ITK: variants seen among roughly 807,000 people sequenced by gnomAD.
ITK encodes tyrosine-protein kinase ITK/TSK.
In ITK, 45 loss-of-function variants were observed where a neutral mutation model predicts 87.6. The observed-to-expected ratio is 0.51, with a 90% confidence interval of 0.40 to 0.66. The LOEUF is 0.66. Among genes scored for constraint, ITK ranks in the 30% least tolerant of loss-of-function variants. The pLI is 0.00. For synonymous variants in ITK, 303 were observed against 273.6 expected (o/e 1.11, Z -1.06); for missense variants, 605 against 766.3 (o/e 0.79, Z 2.48).
chr5:157,249,883 G>A (rs1361510820), intron 16 of ITK, among the ~76,000 whole-genome samples: 1 of 152,082 alleles, frequency 6.6e-6, no homozygotes, highest in African/African-American at 2.4e-5. Context: ...AATAATGATG[G>A]CTGACATTCA....
At chr5:157,215,353 G>A (rs1754278117) in intron 4 of ITK, among the ~76,000 whole-genome samples, 1 of 152,046 alleles carries the variant, frequency 6.6e-6, no homozygotes, top group Non-Finnish European at 1.5e-5. Flanking sequence ...CACATGGCTA[G>A]GTTTTCTGTG....
At chr5:157,245,676 A>G (rs1221364156) in intron 13 of ITK, 50 bp from the exon 14 acceptor site, 3 of 1,435,858 alleles carry the variant, frequency 2.1e-6, no homozygotes, top group Non-Finnish European at 2.9e-6. Flanking sequence ...ACTACTGATG[A>G]CTCATCAACA....
intron 7 of ITK, among the ~76,000 whole-genome samples, chr5:157,230,764 G>C (rs1440539394): frequency 6.6e-6 from 1 of 152,126 alleles, no homozygotes; most frequent in East Asian, 1.9e-4. Flanking sequence ...GATCAAAGGA[G>C]CAAACTCAAA....
intron 8 of ITK, among the ~76,000 whole-genome samples, chr5:157,234,939 T>TA (rs920209433): frequency 6.6e-6 from 1 of 151,972 alleles, no homozygotes; most frequent in African/African-American, 2.4e-5. Context: ...ATAATAATAA[T>TA]AAAAAAAGAG....
At chr5:157,188,381 G>A (rs1023165141) in intron 1 of ITK, among the ~76,000 whole-genome samples, 2 of 152,110 alleles carry the variant, frequency 1.3e-5, no homozygotes, top group Admixed American at 1.3e-4. Context: ...TGTGGTCCCA[G>A]CCTGCCTTCT....
chr5:157,229,573 T>C (rs1269670940), intron 7 of ITK, among the ~76,000 whole-genome samples: 1 of 152,146 alleles, frequency 6.6e-6, no homozygotes, highest in East Asian at 1.9e-4. Context: ...AAAAAAATGT[T>C]AATATCAGGA....
At chr5:157,248,711 C>T (rs1303173640) in intron 15 of ITK, 139 bp from the exon 16 acceptor site, 10 of 944,238 alleles carry the variant, frequency 1.1e-5, no homozygotes, top group Non-Finnish European at 1.7e-5. Context: ...GCCTAATAAG[C>T]CTCAGGTAGA....
At chr5:157,223,202 C>A (rs905604697) in intron 6 of ITK, among the ~76,000 whole-genome samples, 188 bp downstream of exon 6, 1 of 152,118 alleles carries the variant, frequency 6.6e-6, no homozygotes, top group African/African-American at 2.4e-5. Context: ...TCAGAAGTGG[C>A]TCTGAGGCAG....
At chr5:157,241,773 A>T in intron 11 of ITK, 53 bp downstream of exon 11, 2 of 1,363,588 alleles carry the variant, frequency 1.5e-6, no homozygotes, top group South Asian at 1.2e-5. Flanking sequence ...TCTGGGGCAA[A>T]TTCTGAATAA....
intron 3 of ITK, chr5:157,211,651 A>G (rs890242433): frequency 4.5e-5 from 20 of 445,986 alleles, no homozygotes; most frequent in Middle Eastern, 6.5e-4. Context: ...AAGATGCTTG[A>G]TTTTGTCTCA....
rs1172751625 is a variant in ITK at position 157,253,643 on chromosome 5, C to G, written c.*965C>G. The G allele has an allele frequency of 4.4e-6, 1 of 227,086 alleles. No individual in the cohort carries two copies. Among genetic ancestry groups the G allele is most frequent in the Non-Finnish European group, 8.8e-6 (1 of 114,214 alleles). The allele number at this position is 227,086 out of a possible 1,614,324, so 14.1% of individuals were successfully genotyped here. On this transcript the variant is annotated 3_prime_UTR_variant, in exon 17 of 17. Coordinates refer to ENST00000422843, the MANE Select transcript of ITK (RefSeq NM_005546.4). Reference sequence around the variant, plus strand: ...CCCCCCCTCTCTGCACTATCCGATCCTCATCAACAGAGGGCAGCATTGTGT... The same window carrying G: ...CCCCCCCTCTCTGCACTATCCGATCGTCATCAACAGAGGGCAGCATTGTGT...
chr5:157,253,070 G>A lies in ITK; in HGVS notation c.*392G>A, dbSNP rs1370051199. On this transcript the variant is annotated 3_prime_UTR_variant, in exon 17 of 17. Coordinates refer to ENST00000422843, the MANE Select transcript of ITK (RefSeq NM_005546.4). The stretch of plus-strand genomic sequence containing the variant: ...TTTTTAACATGAATCTAAAGTTTAT[G>A]GTTCCAGGGACTTTTTATTTGACCC... The A allele has an allele frequency of 8.3e-6, 3 of 362,662 alleles. No homozygotes were observed. The allele number at this position is 362,662 out of a possible 1,614,324, so 22.5% of individuals were successfully genotyped here. A position where few individuals can be genotyped will look rare whatever the true frequency, so the allele number is the denominator to read the frequency against.
At chr5:157,236,804 G>A (rs1346379483) in intron 8 of ITK, among the ~76,000 whole-genome samples, 1 of 151,926 alleles carries the variant, frequency 6.6e-6, no homozygotes, top group Admixed American at 6.6e-5. Flanking sequence ...AACTGTCAGG[G>A]TGGCGAAAGT....
intron 5 of ITK, among the ~76,000 whole-genome samples, chr5:157,222,008 G>A (rs969451313): frequency 6.6e-6 from 1 of 151,912 alleles, no homozygotes; most frequent in Non-Finnish European, 1.5e-5. Flanking sequence ...AATCCGATCT[G>A]GGCTCAGCTG....
In ITK at chr5:157,240,215, T is replaced by C. The variant is rs1167602943; in HGVS notation, c.985+20T>C. 2 of 1,613,428 alleles carry C rather than the reference T, an allele frequency of 1.2e-6. No individual in the cohort carries two copies. Among genetic ancestry groups the C allele is most frequent in the Non-Finnish European group, 1.7e-6 (2 of 1,179,622 alleles). The stretch of plus-strand genomic sequence containing the variant: ...GAGGAGGTAAGCTCTAGAGCAGGGG[T>C]GGACCCGGGCCGCCCAGCAGGAGGT... On this transcript the variant is annotated intron_variant, in intron 10 of 16. Coordinates refer to ENST00000422843, the MANE Select transcript of ITK (RefSeq NM_005546.4).
At chr5:157,227,458 A>C (rs1044623341) in intron 6 of ITK, among the ~76,000 whole-genome samples, 6 of 152,172 alleles carry the variant, frequency 3.9e-5, no homozygotes, top group African/African-American at 1.4e-4. Context: ...TATACCGTTC[A>C]TATCTGAAGA....
At chr5:157,232,765 A>C (rs1180645400) in intron 8 of ITK, among the ~76,000 whole-genome samples, 1 of 152,254 alleles carries the variant, frequency 6.6e-6, no homozygotes, top group Non-Finnish European at 1.5e-5. Flanking sequence ...CTAGCAAACC[A>C]CAGGATAAGA....
At chr5:157,239,043 T>C (rs1754833777) in intron 9 of ITK, among the ~76,000 whole-genome samples, 2 of 152,116 alleles carry the variant, frequency 1.3e-5, no homozygotes, top group African/African-American at 4.8e-5. Flanking sequence ...GGGAACACAG[T>C]GTACATCACA....
At chr5:157,213,884 A>G (rs1302074435) in intron 3 of ITK, among the ~76,000 whole-genome samples, 1 of 152,214 alleles carries the variant, frequency 6.6e-6, no homozygotes, top group East Asian at 1.9e-4. Flanking sequence ...CCAGTGTTTA[A>G]CAATCTCATT....
Sources: allele counts gnomAD v4.1 joint callset (sites outside exome capture counted in the v4.1 genomes callset), GRCh38; gene constraint gnomAD v4.1.1; transcripts MANE v1.5; gene names NCBI Gene and HGNC (gene_info 2026-07-23, HGNC 2026-07-21).